CDK14: variants seen among roughly 807,000 people sequenced by gnomAD.
CDK14 encodes cyclin dependent kinase 14, also known as cyclin-dependent kinase 14.
Under a neutral mutation model 60.7 loss-of-function variants are expected in CDK14, and 34 were observed. That is an observed-to-expected ratio of 0.56 (90% confidence interval 0.43 to 0.75). The LOEUF is 0.75. Ranked by LOEUF, CDK14 falls within the 30% of genes least tolerant of loss-of-function variation. CDK14 has a pLI of 0.00. For synonymous variants in CDK14, 197 were observed against 203.7 expected, an observed-to-expected ratio of 0.97 and a Z score of 0.28; for missense variants, 482 against 564.1, an observed-to-expected ratio of 0.85 and a Z score of 1.47.
intron 5 of CDK14, among the ~76,000 whole-genome samples, chr7:90,825,303 G>A (rs998710544): frequency 1.2e-4 from 18 of 152,128 alleles, no homozygotes; most frequent in African/African-American, 4.1e-4. Flanking sequence ...GTTGGAGCTC[G>A]CTGATTTAAT....
chr7:90,638,892 C>T (rs1800237533), intron 2 of CDK14, among the ~76,000 whole-genome samples: 1 of 151,522 alleles, frequency 6.6e-6, no homozygotes, highest in African/African-American at 2.4e-5. Context: ...CATCTTCCAT[C>T]ACTGGTACCC....
At chr7:91,182,605 G>A (rs1416463018) in intron 14 of CDK14, among the ~76,000 whole-genome samples, 4 of 151,978 alleles carry the variant, frequency 2.6e-5, no homozygotes, top group Non-Finnish European at 5.9e-5. Context: ...ATAGAAGGTA[G>A]ACTTTATAAT....
Position 91,208,192 on chromosome 7 carries a change from T to C in CDK14, c.*1056T>C, listed in dbSNP as rs764393304. The C allele has an allele frequency of 1.3e-5, 2 of 152,626 alleles. No homozygotes were observed. Among genetic ancestry groups the C allele is most frequent in the African/African-American group, 2.4e-5 (1 of 41,448 alleles). The allele number at this position is 152,626 out of a possible 1,614,324, so 9.5% of individuals were successfully genotyped here. ...ATTCCAAGCCAATTGGAAGACATCA[T>C]TGGGTTCTTACTTTAAGACATCTCC... On this transcript the variant is annotated 3_prime_UTR_variant, in exon 15 of 15. Transcript: ENST00000380050.
At chr7:90,760,769 C>T (rs1804281979) in intron 4 of CDK14, among the ~76,000 whole-genome samples, 1 of 152,074 alleles carries the variant, frequency 6.6e-6, no homozygotes, top group Non-Finnish European at 1.5e-5. Flanking sequence ...ACAGGATAAA[C>T]TGAGGGAAGA....
intron 11 of CDK14, among the ~76,000 whole-genome samples, chr7:91,049,124 C>T (rs1490005706): frequency 1.3e-5 from 2 of 152,216 alleles, no homozygotes; most frequent in East Asian, 1.9e-4. Flanking sequence ...TCAAGCAGTC[C>T]TCCCACCTCC....
At chr7:90,633,506 CA>C (rs1437486519) in intron 2 of CDK14, among the ~76,000 whole-genome samples, 1 of 152,224 alleles carries the variant, frequency 6.6e-6, no homozygotes. Flanking sequence ...CCAATTAATA[CA>C]AATGGAATCA....
intron 2 of CDK14, among the ~76,000 whole-genome samples, chr7:90,633,892 T>G (rs1439876481): frequency 6.6e-6 from 1 of 152,194 alleles, no homozygotes; most frequent in Non-Finnish European, 1.5e-5. Context: ...CTGTAAACTT[T>G]GTTGGAGACT....
chr7:90,823,766 C>T (rs1789628691), intron 5 of CDK14, among the ~76,000 whole-genome samples: 1 of 152,124 alleles, frequency 6.6e-6, no homozygotes, highest in African/African-American at 2.4e-5. Flanking sequence ...GACTAGACAC[C>T]CTGAGTATGA....
intron 3 of CDK14, among the ~76,000 whole-genome samples, chr7:90,738,658 A>G (rs111669308): frequency 1.9e-3 from 289 of 152,346 alleles, no homozygotes; most frequent in Non-Finnish European, 3.1e-3. Flanking sequence ...CTAAAGTGGT[A>G]TCTCAAGCCT....
At chr7:91,098,680 T>C (rs1214738817) in intron 12 of CDK14, among the ~76,000 whole-genome samples, 1 of 152,154 alleles carries the variant, frequency 6.6e-6, no homozygotes. Flanking sequence ...GAAATAAACA[T>C]GTGAAGAAAG....
intron 2 of CDK14, among the ~76,000 whole-genome samples, chr7:90,673,245 G>C (rs1018563357): frequency 6.6e-6 from 1 of 152,192 alleles, no homozygotes; most frequent in African/African-American, 2.4e-5. Context: ...GGGAGGAGCA[G>C]TAGTAGAGGA....
chr7:91,016,446 A>G (rs1254025594), intron 10 of CDK14, among the ~76,000 whole-genome samples: 1 of 152,184 alleles, frequency 6.6e-6, no homozygotes, highest in Non-Finnish European at 1.5e-5. Flanking sequence ...ACAATGAACT[A>G]GATAGATACT....
chr7:90,961,133 G>T (rs765409043), intron 9 of CDK14, among the ~76,000 whole-genome samples: 1 of 152,056 alleles, frequency 6.6e-6, no homozygotes, highest in Non-Finnish European at 1.5e-5. Context: ...CTCTTAAGAT[G>T]ATTTATTTAA....
chr7:90,886,866 A>G (rs933119000), intron 6 of CDK14, among the ~76,000 whole-genome samples: 1 of 152,196 alleles, frequency 6.6e-6, no homozygotes, highest in South Asian at 2.1e-4. Context: ...CATGCACAGC[A>G]AGAGATTAAG....
chr7:90,969,842 T>A (rs1360793519), intron 9 of CDK14, among the ~76,000 whole-genome samples: 1 of 152,196 alleles, frequency 6.6e-6, no homozygotes, highest in East Asian at 1.9e-4. Context: ...TTATACTAAT[T>A]GTGGCTGGTT....
intron 14 of CDK14, among the ~76,000 whole-genome samples, chr7:91,139,887 AT>A (rs539918020): frequency 1.5e-3 from 166 of 113,322 alleles, no homozygotes; most frequent in Non-Finnish European, 2.5e-3. Flanking sequence ...GTCACCTTTC[AT>A]TTTTTTCCGT....
At chr7:91,006,630 A>G (rs140753824) in intron 10 of CDK14, among the ~76,000 whole-genome samples, 2,633 of 152,338 alleles carry the variant, frequency 0.017, 37 homozygotes, top group Non-Finnish European at 0.027. Context: ...GGAAATATGT[A>G]AATTTAAAAA....
chr7:90,790,695 G>A, intron 5 of CDK14, 43 bp downstream of exon 5: 1 of 1,285,502 alleles, frequency 7.8e-7, no homozygotes, highest in Non-Finnish European at 1.1e-6. Context: ...TGTTTCTATG[G>A]TCCCCGTAGC....
chr7:91,028,732 A>C (rs1417697376), intron 10 of CDK14, among the ~76,000 whole-genome samples: 1 of 152,084 alleles, frequency 6.6e-6, no homozygotes, highest in African/African-American at 2.4e-5. Flanking sequence ...TCTTCTTTTG[A>C]GAAATGTCTA....
Sources: gnomAD v4.1 joint callset for allele counts (sites outside exome capture counted in the v4.1 genomes callset) on GRCh38, gnomAD v4.1.1 for gene constraint, MANE v1.5 for transcripts, NCBI Gene and HGNC (gene_info 2026-07-23, HGNC 2026-07-21) for gene names.